Variants in RGPD3 observed in about 807,000 individuals in gnomAD.
The protein encoded by RGPD3 is ranBP2-like and GRIP domain-containing protein 3.
In RGPD3, 62 loss-of-function variants were observed where a neutral mutation model predicts 154.5. That is an observed-to-expected ratio of 0.40 (90% CI 0.33 to 0.50). The LOEUF (loss-of-function observed/expected upper bound fraction) is 0.50. Ranked by LOEUF, RGPD3 falls within the 20% of genes least tolerant of loss-of-function variation. The probability of loss-of-function intolerance (pLI) is 0.59; values close to 1 mark genes in which losing one functional copy is unlikely to be tolerated. For synonymous variants in RGPD3, 308 were observed against 607.0 expected (o/e 0.51, Z 7.24); for missense variants, 919 against 1,716.8 (o/e 0.54, Z 8.21).
chr2:106,403,996 G>T lies in RGPD3; in HGVS notation c.*1223C>A, dbSNP rs1294594889. On this transcript the variant is annotated 3_prime_UTR_variant, in exon 23 of 23. Coordinates refer to ENST00000409886, the MANE Select transcript of RGPD3 (RefSeq NM_001144013.2). ...CAATTTTTGATTTAAGAACAACACAGTTTGGATCTAGTCATTAAAACATAT... is the reference window on the plus strand; with the variant it reads ...CAATTTTTGATTTAAGAACAACACATTTTGGATCTAGTCATTAAAACATAT... 6.6e-6 allele frequency among the ~76,000 whole-genome samples: 1 copy of T among 152,220 alleles called. No individual in the cohort carries two copies. The highest frequency in any genetic ancestry group is 1.5e-5 in the Non-Finnish European group (1 of 68,050).
Position 106,403,485 on chromosome 2 carries a change from C to T in RGPD3, c.*1734G>A, listed in dbSNP as rs1253655275. Among the ~76,000 whole-genome samples, 2 of 151,958 alleles carry T rather than the reference C, an allele frequency of 1.3e-5. No homozygotes were observed. The highest frequency in any genetic ancestry group is 2.9e-5 in the Non-Finnish European group (2 of 67,968). On this transcript the variant is annotated 3_prime_UTR_variant, in exon 23 of 23. Coordinates refer to ENST00000409886, the MANE Select transcript of RGPD3 (RefSeq NM_001144013.2). ...TTGCAGAAACCATGAAAGAATATGC[C>T]TTTTGTAATCAATTTTTTATCATGC...
Position 106,434,327 on chromosome 2 carries a change from A to C in RGPD3, c.2106T>G (p.Pro702=), listed in dbSNP as rs1183943791. The C allele has an allele frequency of 6.2e-7, 1 of 1,610,666 alleles. No individual in the cohort carries two copies. The highest frequency in any genetic ancestry group is 8.5e-7 in the Non-Finnish European group (1 of 1,179,280). Residue 702 remains proline, a synonymous_variant, in exon 15 of 23, where the codon CCT becomes CCG. Transcript: ENST00000409886. The part of the protein sequence containing the change: ...AEDIANDALS[P]EEQEECKNYL... ...AATTTTTGCATTCTTCTTGTTCTTC[A>C]GGAGAAAGGGCATCATTTGCAATGT...
Position 106,424,096 on chromosome 2 carries a change from CTGTTGT to C in RGPD3, c.3865_3870del (p.Thr1289_Thr1290del), listed in dbSNP as rs1415394742. ...GCAGATTTAAAACTGAAGTTAGATC[CTGTTGT>C]TGACTCATCAAAGTGGAAAAGATTT... On this transcript the variant is annotated inframe_deletion, in exon 20 of 23. Coordinates refer to ENST00000409886, the MANE Select transcript of RGPD3 (RefSeq NM_001144013.2). 1.2e-6 allele frequency: 2 copies of C among 1,605,072 alleles called. No individual in the cohort carries two copies. Among genetic ancestry groups the C allele is most frequent in the South Asian group, 2.2e-5 (2 of 90,500 alleles).
At chr2:106,413,990 C>CG (rs1257196266) in intron 21 of RGPD3, among the ~76,000 whole-genome samples, 1 of 152,194 alleles carries the variant, frequency 6.6e-6, no homozygotes, top group Non-Finnish European at 1.5e-5. Context: ...GCAGCCTCCA[C>CG]TAACCCCCTG....
chr2:106,425,337 C>T, intron 19 of RGPD3, 71 bp from the exon 20 acceptor site: 1 of 1,587,536 alleles, frequency 6.3e-7, no homozygotes, highest in South Asian at 1.2e-5. Flanking sequence ...ATACCTTCTT[C>T]ATTCCTAAAC....
intron 22 of RGPD3, among the ~76,000 whole-genome samples, chr2:106,408,609 TTAG>T (rs1354336100): frequency 7.5e-6 from 1 of 133,378 alleles, no homozygotes; most frequent in Non-Finnish European, 1.6e-5. Context: ...TTGCTTATCC[TTAG>T]TAGATTCAAC....
intron 18 of RGPD3, among the ~76,000 whole-genome samples, chr2:106,429,008 A>G (rs1677285197): frequency 6.6e-6 from 1 of 151,786 alleles, no homozygotes; most frequent in South Asian, 2.1e-4. Flanking sequence ...AGTAAACACT[A>G]TTAGTAACCT....
intron 22 of RGPD3, among the ~76,000 whole-genome samples, chr2:106,406,917 C>G (rs1461702707): frequency 6.6e-6 from 1 of 152,114 alleles, no homozygotes; most frequent in Non-Finnish European, 1.5e-5. Flanking sequence ...TCTGTTCTGT[C>G]TGGTTTTATC....
At chr2:106,407,401 T>G (rs1676548173) in intron 22 of RGPD3, among the ~76,000 whole-genome samples, 2 of 152,134 alleles carry the variant, frequency 1.3e-5, no homozygotes, top group South Asian at 4.1e-4. Flanking sequence ...GGCAAAGAAC[T>G]CTGAAAAGTC....
At chr2:106,448,793 C>T (rs185758898) in intron 6 of RGPD3, among the ~76,000 whole-genome samples, 18 of 152,010 alleles carry the variant, frequency 1.2e-4, no homozygotes, top group Middle Eastern at 3.4e-3. Flanking sequence ...CAGGTTCAAG[C>T]GATTCTTCTG....
chr2:106,434,248 T>A lies in RGPD3; in HGVS notation c.2185A>T (p.Asn729Tyr), dbSNP rs573288790. 6.3e-7 allele frequency: 1 copy of A among 1,592,606 alleles called. No individual in the cohort carries two copies. The highest frequency in any genetic ancestry group is 1.7e-5 in the Admixed American group (1 of 58,714). Residue 729 changes from asparagine to tyrosine, a missense_variant, in exon 15 of 23, where the codon AAT (asparagine) becomes TAT (tyrosine). Asn to Tyr is a moderately radical substitution (Grantham distance 143). Coordinates refer to ENST00000409886, the MANE Select transcript of RGPD3 (RefSeq NM_001144013.2). ...CTTACTTTCTTGACCACTGAAAGAT[T>A]TGAATCACTGTCATCTAAAATCTTT... ...LIKILDDSDS[N>Y]LSVVKKLPVP...
chr2:106,470,440 T>C (rs557982049), upstream of RGPD3, among the ~76,000 whole-genome samples: 37 of 152,244 alleles, frequency 2.4e-4, no homozygotes, highest in Non-Finnish European at 4.4e-4. Flanking sequence ...GATTTTGCCA[T>C]GTCCTCCCAT....
intron 20 of RGPD3, among the ~76,000 whole-genome samples, chr2:106,421,156 G>T (rs998182678): frequency 2.0e-4 from 30 of 152,086 alleles, no homozygotes; most frequent in Non-Finnish European, 4.4e-4. Context: ...GACACCTTGG[G>T]TAAATCAGAT....
At chr2:106,469,308 A>G (rs1356129843), upstream of RGPD3, among the ~76,000 whole-genome samples, 2 of 148,992 alleles carry the variant, frequency 1.3e-5, no homozygotes, top group Non-Finnish European at 3.0e-5. Context: ...CCTTACACCT[A>G]TCAAAAAGGC....
At chr2:106,465,582 TA>T (rs1217711185) in intron 1 of RGPD3, among the ~76,000 whole-genome samples, 490 of 142,600 alleles carry the variant, frequency 3.4e-3, no homozygotes, top group East Asian at 7.8e-3. Context: ...TAAGCTTGTT[TA>T]AAAAAAAAAA....
At chr2:106,413,699 G>C (rs1676740237) in intron 21 of RGPD3, among the ~76,000 whole-genome samples, 1 of 152,116 alleles carries the variant, frequency 6.6e-6, no homozygotes, top group South Asian at 2.1e-4. Context: ...ATTCTCACGA[G>C]AAACAGATGA....
chr2:106,413,941 A>G (rs1676745914), intron 21 of RGPD3, among the ~76,000 whole-genome samples: 1 of 152,198 alleles, frequency 6.6e-6, no homozygotes, highest in Admixed American at 6.5e-5. Flanking sequence ...CTAAGCCAGT[A>G]TGGCATGGGG....
At chr2:106,460,236 G>A in intron 1 of RGPD3, among the ~76,000 whole-genome samples, 1 of 138,764 alleles carries the variant, frequency 7.2e-6, no homozygotes, top group East Asian at 2.2e-4. Flanking sequence ...GGAAATCTTG[G>A]AAACCCTGTG....
chr2:106,409,921 G>A (rs1029600884), intron 22 of RGPD3, among the ~76,000 whole-genome samples: 1 of 144,606 alleles, frequency 6.9e-6, no homozygotes, highest in Non-Finnish European at 1.5e-5. Flanking sequence ...TGTTGCTCAG[G>A]CTGGAGTGCA....
Sources: gnomAD v4.1 joint callset for allele counts (sites outside exome capture counted in the v4.1 genomes callset) on GRCh38, gnomAD v4.1.1 for gene constraint, MANE v1.5 for transcripts, NCBI Gene and HGNC (gene_info 2026-07-23, HGNC 2026-07-21) for gene names.